Variants in LMO3 observed in about 807,000 individuals in gnomAD.
LMO3 encodes the protein LIM domain only protein 3.
Under a neutral mutation model 15.8 loss-of-function variants are expected in LMO3, and 2 were observed. That is an observed-to-expected ratio of 0.13 (90% CI 0.05 to 0.40). The LOEUF is 0.40. Ranked by LOEUF, LMO3 falls within the 10% of genes least tolerant of loss-of-function variation. LMO3 has a pLI of 0.99. For missense variants in LMO3, 86 were observed against 182.2 expected (o/e 0.47, Z 3.04); for synonymous variants, 62 against 63.8 (o/e 0.97, Z 0.13).
Position 16,589,871 on chromosome 12 carries a change from T to A in LMO3, c.206+10784A>T, listed in dbSNP as rs565883590. On this transcript the variant is annotated intron_variant, in intron 2 of 3. Transcript: ENST00000537304. The surrounding 1 kb of genome is among the most constrained non-coding windows in gnomAD (Gnocchi z 4.2). ...AAAGCCCCCAAGATGCAGACCACAG[T>A]AGGAATTAAGCCTCGTAAAGCTCTC... Among the ~76,000 whole-genome samples the A allele has an allele frequency of 1.3e-5, 2 of 152,052 alleles. No individual in the cohort carries two copies. The highest frequency in any genetic ancestry group is 3.9e-4 in the East Asian group (2 of 5,170).
chr12:16,565,747 T>C (rs962390407), intron 2 of LMO3, among the ~76,000 whole-genome samples: 3 of 151,558 alleles, frequency 2.0e-5, no homozygotes, highest in African/African-American at 4.8e-5. Flanking sequence ...GTTGGTGAGA[T>C]TGCAAATGAG....
At chr12:16,564,000 A>T (rs143812419) in intron 2 of LMO3, among the ~76,000 whole-genome samples, 11 of 152,258 alleles carry the variant, frequency 7.2e-5, no homozygotes, top group African/African-American at 2.6e-4. Context: ...TTTCTGACAC[A>T]CTTCCAAAAG....
chr12:16,605,811 C>T (rs1943976348), intron 1 of LMO3: 1 of 1,535,626 alleles, frequency 6.5e-7, no homozygotes. Flanking sequence ...CTTCCATCAA[C>T]ATCTTCCGCC....
chr12:16,550,149 A>T lies in LMO3; in HGVS notation c.*1073T>A, dbSNP rs982707145. The T allele has an allele frequency of 5.9e-5, 9 of 152,092 alleles. No homozygotes were observed. The highest frequency in any genetic ancestry group is 2.2e-4 in the African/African-American group (9 of 41,452). 9.4% of individuals were successfully genotyped at this position (152,092 alleles called of 1,614,324 possible). ...TCAAAAGTAACCTCACTACTCAAAT[A>T]CCATCATAGCTTCAATGTGCATTAT... On this transcript the variant is annotated 3_prime_UTR_variant, in exon 4 of 4. Transcript: ENST00000537304.
upstream of LMO3, chr12:16,608,529 G>C (rs932426568): frequency 6.6e-6 from 1 of 152,108 alleles, no homozygotes; most frequent in African/African-American, 2.4e-5. The surrounding 1 kb of genome is among the most constrained non-coding windows in gnomAD (Gnocchi z 4.1). Flanking sequence ...TAAGATTCCT[G>C]ATATCAACAC....
In LMO3 at chr12:16,591,418, C is replaced by T. The variant is rs936180452; in HGVS notation, c.206+9237G>A. On this transcript the variant is annotated intron_variant, in intron 2 of 3. Transcript: ENST00000537304. The surrounding 1 kb of genome is among the most constrained non-coding windows in gnomAD (Gnocchi z 4.1). ...AAAATTCTACAAACCTCTTGTACTG[C>T]TTCATTTTCTCCTCATTGTGTTTAT... is the stretch of plus-strand genomic sequence containing the variant. 6.6e-6 allele frequency among the ~76,000 whole-genome samples: 1 copy of T among 152,040 alleles called. No homozygotes were observed. Among genetic ancestry groups the T allele is most frequent in the Non-Finnish European group, 1.5e-5 (1 of 67,956 alleles).
At chr12:16,556,589 T>C (rs1374200538) in intron 3 of LMO3, among the ~76,000 whole-genome samples, 3 of 152,242 alleles carry the variant, frequency 2.0e-5, no homozygotes, top group African/African-American at 7.2e-5. Context: ...TAAAGTTTGC[T>C]TAAGAGAAAA....
At chr12:16,563,219 A>G (rs1192905070) in intron 2 of LMO3, among the ~76,000 whole-genome samples, 1 of 152,104 alleles carries the variant, frequency 6.6e-6, no homozygotes, top group South Asian at 2.1e-4. Context: ...AATCTGATCT[A>G]ATTTACTGCA....
intron 2 of LMO3, among the ~76,000 whole-genome samples, chr12:16,568,445 C>A (rs1400154349): frequency 1.3e-5 from 2 of 152,140 alleles, no homozygotes; most frequent in South Asian, 4.1e-4. Flanking sequence ...ATAATCCAAG[C>A]TAAGTACCCA....
At chr12:16,577,267 C>A (rs987764250) in intron 2 of LMO3, among the ~76,000 whole-genome samples, 10 of 152,072 alleles carry the variant, frequency 6.6e-5, no homozygotes, top group Admixed American at 6.6e-4. Flanking sequence ...TCTGAAAGGC[C>A]GTAAACTTTC....
chr12:16,551,237 T>C lies in LMO3; in HGVS notation c.423A>G (p.Ala141=). 6.2e-7 allele frequency: 1 copy of C among 1,606,578 alleles called. No individual in the cohort carries two copies. Among genetic ancestry groups the C allele is most frequent in the Non-Finnish European group, 8.5e-7 (1 of 1,173,200 alleles). Residue 141 remains alanine (A), a synonymous_variant, in exon 4 of 4, where the codon GCA becomes GCG. Coordinates refer to ENST00000537304, the MANE Select transcript of LMO3 (RefSeq NM_018640.5). The stretch of plus-strand genomic sequence containing the variant: ...TGTTGATAGATCAGCGAACCTGGGG[T>C]GCATAACCTTCTTTCATTAAACCTT... ...YEEGLMKEGY[A]PQVR
chr12:16,573,025 G>GT (rs1172954589), intron 2 of LMO3, among the ~76,000 whole-genome samples: 1 of 151,582 alleles, frequency 6.6e-6, no homozygotes, highest in Non-Finnish European at 1.5e-5. Context: ...AAATTTTCCT[G>GT]TTTTTATTAT....
intron 2 of LMO3, among the ~76,000 whole-genome samples, chr12:16,575,565 G>C (rs1034541913): frequency 3.3e-5 from 5 of 152,080 alleles, no homozygotes; most frequent in African/African-American, 9.7e-5. Context: ...TTAATCCTCA[G>C]GACAACTGAA....
rs1943347691 is a variant in LMO3 at position 16,587,204 on chromosome 12, A to C, written c.206+13451T>G. ...TATATTCATAAGCTACACACACGAA[A>C]ATGAAATGAACAAAGTGATTCAGAT... On this transcript the variant is annotated intron_variant, in intron 2 of 3. Transcript: ENST00000537304. This position sits in a 1 kb window ranked among gnomAD's most constrained non-coding sequence, Gnocchi z 4.3. Among the ~76,000 whole-genome samples, 1 of 152,164 alleles carries C rather than the reference A, an allele frequency of 6.6e-6. No individual in the cohort carries two copies.
chr12:16,562,687 G>C lies in LMO3; in HGVS notation c.207-2149C>G, dbSNP rs567420234. On this transcript the variant is annotated intron_variant, in intron 2 of 3. Coordinates refer to ENST00000537304, the MANE Select transcript of LMO3 (RefSeq NM_018640.5). ...AGTAATGCATGGCCAGCCCTGAGCTGCCTGCTATACTGTGAACAACCCTCA... is the reference window on the plus strand; with the variant it reads ...AGTAATGCATGGCCAGCCCTGAGCTCCCTGCTATACTGTGAACAACCCTCA... Among the ~76,000 whole-genome samples, 16 of 152,332 alleles carry C rather than the reference G, an allele frequency of 1.1e-4. No individual in the cohort carries two copies. The East Asian group carries it at 2.9e-3, about 28-fold the overall frequency.
At chr12:16,570,402 AT>A (rs928544168) in intron 2 of LMO3, among the ~76,000 whole-genome samples, 8 of 151,460 alleles carry the variant, frequency 5.3e-5, no homozygotes, top group South Asian at 4.2e-4. Flanking sequence ...GTTTGAAAAT[AT>A]TTTTTTTTAC....
chr12:16,558,643 A>G (rs1051344000), intron 3 of LMO3, among the ~76,000 whole-genome samples: 1 of 152,110 alleles, frequency 6.6e-6, no homozygotes, highest in Non-Finnish European at 1.5e-5. Context: ...ACTTGCTGGG[A>G]AGAGTCAAGA....
chr12:16,594,240 T>C (rs1187796373), intron 2 of LMO3: 2 of 1,531,862 alleles, frequency 1.3e-6, no homozygotes, highest in Admixed American at 3.9e-5. Context: ...TGTATGTATA[T>C]AGATCCACAC....
rs560271614 is a variant in LMO3 at position 16,604,965 on chromosome 12, T to A, written c.-9+1101A>T. Reference sequence around the variant, plus strand: ...ACCCAAAGGTAGAAGTAGAAGGGGGTCTCCTTGATTTCGCTTAAGTGTGGA... The same window carrying A: ...ACCCAAAGGTAGAAGTAGAAGGGGGACTCCTTGATTTCGCTTAAGTGTGGA... On this transcript the variant is annotated intron_variant, in intron 1 of 3. Coordinates refer to ENST00000537304, the MANE Select transcript of LMO3 (RefSeq NM_018640.5). The surrounding 1 kb of genome is among the most constrained non-coding windows in gnomAD (Gnocchi z 5.3). The A allele has an allele frequency of 6.3e-7, 1 of 1,597,520 alleles. No individual in the cohort carries two copies. The highest frequency in any genetic ancestry group is 1.7e-5 in the Admixed American group (1 of 59,934).
Sources: allele counts gnomAD v4.1 joint callset (sites outside exome capture counted in the v4.1 genomes callset), GRCh38; gene constraint gnomAD v4.1.1; non-coding constraint Gnocchi (gnomAD v3.1); transcripts MANE v1.5; gene names NCBI Gene and HGNC (gene_info 2026-07-23, HGNC 2026-07-21).